Variants in DNER observed in about 807,000 individuals in gnomAD.
DNER encodes the protein delta and Notch-like epidermal growth factor-related receptor.
DNER carries 33 observed loss-of-function variants against 78.2 expected under a neutral mutation model. That is an observed-to-expected ratio of 0.42 (90% CI 0.32 to 0.56). The LOEUF is 0.56. Among genes scored for constraint, DNER ranks in the 20% least tolerant of loss-of-function variants. The pLI is 0.11. For missense variants in DNER, 918 were observed against 975.3 expected (o/e 0.94, Z 0.78); for synonymous variants, 417 against 384.8 (o/e 1.08, Z -0.98).
intron 1 of DNER, chr2:229,606,416 A>T (rs1042905892): frequency 6.6e-6 from 1 of 152,170 alleles, no homozygotes; most frequent in Non-Finnish European, 1.5e-5. Flanking sequence ...GAGAGAGCAG[A>T]AGGGACACTA....
chr2:229,535,499 T>C (rs960100184), intron 5 of DNER, among the ~76,000 whole-genome samples: 3 of 152,178 alleles, frequency 2.0e-5, no homozygotes, highest in African/African-American at 7.2e-5. Context: ...TAAGACTCAT[T>C]AGTTGCCAAT....
chr2:229,681,850 AC>A (rs1422196626), intron 1 of DNER, among the ~76,000 whole-genome samples: 2,246 of 151,482 alleles, frequency 0.015, 56 homozygotes, highest in African/African-American at 0.053. Flanking sequence ...ACACACACAC[AC>A]ACACACACAC....
At chr2:229,708,907 C>T (rs930140229) in intron 1 of DNER, among the ~76,000 whole-genome samples, 4 of 152,104 alleles carry the variant, frequency 2.6e-5, no homozygotes, top group African/African-American at 2.4e-5. Flanking sequence ...ACAAAAATTT[C>T]GACAAGTTTT....
chr2:229,667,020 G>A (rs1173794381), intron 1 of DNER, among the ~76,000 whole-genome samples: 1 of 152,210 alleles, frequency 6.6e-6, no homozygotes, highest in South Asian at 2.1e-4. Flanking sequence ...CCCGGCAGAG[G>A]GCCACCTGGC....
chr2:229,697,220 T>C (rs1485547949), intron 1 of DNER, among the ~76,000 whole-genome samples: 2 of 152,156 alleles, frequency 1.3e-5, no homozygotes, highest in African/African-American at 4.8e-5. Flanking sequence ...CTCAAAAACA[T>C]TATACTAAGT....
At position 229,476,575 on chromosome 2, in the gene DNER, T is replaced by A. The variant is rs544471097; in HGVS notation, c.1261+565A>T. On this transcript the variant is annotated intron_variant, in intron 7 of 12. Transcript: ENST00000341772. ...ATTGAAAATAATCCCTTCCATAACATCCCTGCAAGCAGAAATGGGAACAAA... is the reference window on the plus strand; with the variant it reads ...ATTGAAAATAATCCCTTCCATAACAACCCTGCAAGCAGAAATGGGAACAAA... Among the ~76,000 whole-genome samples, 64 of 152,132 alleles carry A rather than the reference T, an allele frequency of 4.2e-4. No individual in the cohort carries two copies. In the South Asian group the frequency reaches 5.4e-3, roughly 13 times the overall value.
intron 1 of DNER, among the ~76,000 whole-genome samples, chr2:229,661,717 A>G (rs1699013678): frequency 6.6e-6 from 1 of 152,256 alleles, no homozygotes; most frequent in African/African-American, 2.4e-5. Context: ...AGTAAACCTT[A>G]AAATCAGAGC....
At chr2:229,635,361 GAAAAAAAAA>G (rs58220819) in intron 1 of DNER, among the ~76,000 whole-genome samples, 8 of 85,876 alleles carry the variant, frequency 9.3e-5, no homozygotes, top group East Asian at 3.8e-4. Flanking sequence ...GGTCCCACAG[GAAAAAAAAA>G]AAAAAAAAAA....
chr2:229,430,825 C>T (rs1008958837), intron 8 of DNER, among the ~76,000 whole-genome samples: 2 of 151,770 alleles, frequency 1.3e-5, no homozygotes, highest in Non-Finnish European at 2.9e-5. Flanking sequence ...GATGACCATT[C>T]TTTATGTCTA....
At chr2:229,694,463 T>A (rs1574569637) in intron 1 of DNER, among the ~76,000 whole-genome samples, 1 of 4,250 alleles carries the variant, frequency 2.4e-4, no homozygotes, top group South Asian at 0.014. Flanking sequence ...CTCAATGACT[T>A]CCGCCTGTGA....
intron 10 of DNER, among the ~76,000 whole-genome samples, chr2:229,406,744 G>A (rs528485159): frequency 3.3e-5 from 5 of 152,156 alleles, no homozygotes; most frequent in Non-Finnish European, 5.9e-5. Flanking sequence ...CCTGTTCGGT[G>A]TTCAGTGGCC....
chr2:229,359,888 C>T (rs113421513), intron 12 of DNER, among the ~76,000 whole-genome samples: 25 of 152,184 alleles, frequency 1.6e-4, no homozygotes, highest in African/African-American at 5.6e-4. Flanking sequence ...AGGCACCAGG[C>T]AAAACACGGG....
chr2:229,387,489 AAGAAAGAAAGAAAGAAAGAG>A lies in DNER; in HGVS notation c.1855+756_1855+775del, dbSNP rs773557009. 1.8e-3 allele frequency among the ~76,000 whole-genome samples: 200 copies of A among 109,582 alleles called. 3 individuals are homozygous for A. Among genetic ancestry groups the A allele is most frequent in the African/African-American group, 5.4e-3 (165 of 30,598 alleles). The allele number at this position is 109,582 out of a possible 152,430, so 71.9% of individuals were successfully genotyped here. A position where few individuals can be genotyped will look rare whatever the true frequency, so the allele number is the denominator to read the frequency against. On this transcript the variant is annotated intron_variant, in intron 11 of 12. Transcript: ENST00000341772. ...TTAAAGTATAATAGAAAGAAAAAGA[AAGAAAGAAAGAAAGAAAGAG>A]AGAAAGAAAGAAAGAAAGAAAGAAA...
At chr2:229,548,173 A>G (rs975617694) in intron 4 of DNER, among the ~76,000 whole-genome samples, 3 of 152,332 alleles carry the variant, frequency 2.0e-5, no homozygotes, top group Middle Eastern at 3.4e-3. Flanking sequence ...AGAGAAAAGA[A>G]TTGATTCTAG....
At chr2:229,379,710 G>A (rs1163677279) in intron 11 of DNER, among the ~76,000 whole-genome samples, 1 of 152,058 alleles carries the variant, frequency 6.6e-6, no homozygotes, top group Non-Finnish European at 1.5e-5. Context: ...CCCATTTTCT[G>A]GAAAAGTAAA....
chr2:229,400,759 T>C (rs574164123), intron 10 of DNER, among the ~76,000 whole-genome samples: 1 of 152,192 alleles, frequency 6.6e-6, no homozygotes, highest in South Asian at 2.1e-4. Context: ...AAATAATTCA[T>C]GTAGCTACTT....
intron 5 of DNER, among the ~76,000 whole-genome samples, chr2:229,544,491 A>G (rs892593151): frequency 4.0e-5 from 6 of 151,786 alleles, no homozygotes; most frequent in Non-Finnish European, 8.8e-5. Context: ...GAAAAATGTT[A>G]TATATCTATT....
At chr2:229,485,413 G>A (rs1415945297) in intron 6 of DNER, among the ~76,000 whole-genome samples, 1 of 152,088 alleles carries the variant, frequency 6.6e-6, no homozygotes, top group Non-Finnish European at 1.5e-5. Flanking sequence ...GATTACATTT[G>A]GTCTAATATA....
intron 7 of DNER, among the ~76,000 whole-genome samples, chr2:229,459,288 C>A (rs969068384): frequency 1.6e-4 from 25 of 151,900 alleles, no homozygotes; most frequent in Admixed American, 1.6e-3. Flanking sequence ...AAGTAAGTAG[C>A]TCTTATATGT....
Sources: allele counts gnomAD v4.1 joint callset (sites outside exome capture counted in the v4.1 genomes callset), GRCh38; gene constraint gnomAD v4.1.1; transcripts MANE v1.5; gene names NCBI Gene and HGNC (gene_info 2026-07-23, HGNC 2026-07-21).